MAPK8: variants seen among roughly 807,000 people sequenced by gnomAD.
MAPK8 encodes JUN N-terminal kinase.
Under a neutral mutation model 52.9 loss-of-function variants are expected in MAPK8, and 13 were observed. The ratio of observed to expected loss-of-function variants is 0.25; its 90% CI spans 0.16 to 0.39. The LOEUF (loss-of-function observed/expected upper bound fraction) is 0.39. MAPK8 is among the 10% of genes least tolerant of loss of function. The pLI is 1.00. For missense variants in MAPK8, 300 were observed against 519.2 expected (o/e 0.58, Z 4.10); for synonymous variants, 191 against 169.8 (o/e 1.12, Z -0.97).
At chr10:48,341,532 G>A (rs1845261259) in intron 1 of MAPK8, among the ~76,000 whole-genome samples, 1 of 152,158 alleles carries the variant, frequency 6.6e-6, no homozygotes, top group Non-Finnish European at 1.5e-5. Flanking sequence ...TTGGTTACAA[G>A]CATTTTGGAT....
At chr10:48,406,095 T>TG (rs770042467) in intron 3 of MAPK8, among the ~76,000 whole-genome samples, 9 of 152,156 alleles carry the variant, frequency 5.9e-5, no homozygotes, top group Non-Finnish European at 1.2e-4. Flanking sequence ...GGGAAGGCTT[T>TG]GGGGAGGAGT....
At chr10:48,357,389 G>A (rs1481637709) in intron 1 of MAPK8, among the ~76,000 whole-genome samples, 1 of 152,110 alleles carries the variant, frequency 6.6e-6, no homozygotes, top group Non-Finnish European at 1.5e-5. Context: ...ATACCAGAGA[G>A]TTCATCATTT....
At chr10:48,366,532 G>A (rs118179377) in intron 1 of MAPK8, among the ~76,000 whole-genome samples, 1,773 of 152,260 alleles carry the variant, frequency 0.012, 20 homozygotes, top group Non-Finnish European at 0.018. Flanking sequence ...CCTAAGTTAG[G>A]TTATAACTTG....
intron 1 of MAPK8, among the ~76,000 whole-genome samples, chr10:48,328,843 A>G (rs896524287): frequency 6.6e-6 from 1 of 152,208 alleles, no homozygotes; most frequent in Non-Finnish European, 1.5e-5. Flanking sequence ...GCCAGTTTGT[A>G]CTTTTGCTAA....
At chr10:48,421,301 A>C (rs1269195852) in intron 6 of MAPK8, among the ~76,000 whole-genome samples, 1 of 152,224 alleles carries the variant, frequency 6.6e-6, no homozygotes, top group East Asian at 1.9e-4. Flanking sequence ...TCTTAAGTAA[A>C]TATGCTGTTC....
intron 1 of MAPK8, among the ~76,000 whole-genome samples, chr10:48,367,294 A>G (rs971966906): frequency 6.6e-6 from 1 of 152,064 alleles, no homozygotes; most frequent in Non-Finnish European, 1.5e-5. Context: ...TAAGCCCAGG[A>G]GTTTGGGGCT....
chr10:48,430,998 G>A, intron 10 of MAPK8, 195 bp from the exon 11 acceptor site: 1 of 604,374 alleles, frequency 1.7e-6, no homozygotes, highest in South Asian at 2.0e-5. Flanking sequence ...CTTTTAATAT[G>A]ATCCATTGTT....
chr10:48,360,434 C>T (rs1047117543), intron 1 of MAPK8, among the ~76,000 whole-genome samples: 3 of 152,190 alleles, frequency 2.0e-5, no homozygotes, highest in Non-Finnish European at 2.9e-5. Context: ...CAGATTAACT[C>T]GTAGATACCC....
At chr10:48,325,754 A>G (rs192779327) in intron 1 of MAPK8, 65 of 152,348 alleles carry the variant, frequency 4.3e-4, no homozygotes, top group African/African-American at 1.4e-3. Flanking sequence ...CATCTGGAAT[A>G]CCACATTACA....
At chr10:48,316,868 A>G (rs987409055) in intron 1 of MAPK8, among the ~76,000 whole-genome samples, 6 of 152,196 alleles carry the variant, frequency 3.9e-5, no homozygotes, top group South Asian at 2.1e-4. Context: ...GGACGCATAC[A>G]TCGTTAAGTA....
intron 1 of MAPK8, among the ~76,000 whole-genome samples, chr10:48,337,782 A>G (rs1236255191): frequency 1.3e-5 from 2 of 152,172 alleles, no homozygotes; most frequent in South Asian, 2.1e-4. Context: ...AGTGGATACC[A>G]TAGAAATACA....
At chr10:48,346,227 A>G (rs1244577295) in intron 1 of MAPK8, among the ~76,000 whole-genome samples, 2 of 152,264 alleles carry the variant, frequency 1.3e-5, no homozygotes, top group African/African-American at 4.8e-5. Flanking sequence ...TATAGATCTT[A>G]GATATGATTA....
At chr10:48,377,215 A>T (rs1317463037) in intron 1 of MAPK8, among the ~76,000 whole-genome samples, 1 of 151,860 alleles carries the variant, frequency 6.6e-6, no homozygotes, top group Admixed American at 6.6e-5. Context: ...AGGGCCTGTC[A>T]GGGGTTTGGG....
At chr10:48,395,599 A>G (rs1294625895) in intron 1 of MAPK8, among the ~76,000 whole-genome samples, 1 of 152,068 alleles carries the variant, frequency 6.6e-6, no homozygotes, top group African/African-American at 2.4e-5. Context: ...CACAATTCCT[A>G]TCAAAATCTT....
At chr10:48,401,304 A>G (rs988557586) in intron 1 of MAPK8, among the ~76,000 whole-genome samples, 2 of 152,198 alleles carry the variant, frequency 1.3e-5, no homozygotes, top group East Asian at 1.9e-4. Flanking sequence ...ACGTAAAAAC[A>G]TGTTTAATTT....
At chr10:48,341,781 C>T (rs1845292730) in intron 1 of MAPK8, among the ~76,000 whole-genome samples, 1 of 152,096 alleles carries the variant, frequency 6.6e-6, no homozygotes, top group South Asian at 2.1e-4. Context: ...ATAAAGATAC[C>T]TGATTTAGGA....
intron 1 of MAPK8, among the ~76,000 whole-genome samples, chr10:48,382,515 C>T (rs896505238): frequency 1.3e-5 from 2 of 151,820 alleles, no homozygotes; most frequent in Non-Finnish European, 2.9e-5. Context: ...AAGTAAAACT[C>T]GCTATTTTAA....
At chr10:48,394,055 G>A (rs2132880939) in intron 1 of MAPK8, among the ~76,000 whole-genome samples, 1 of 151,900 alleles carries the variant, frequency 6.6e-6, no homozygotes, top group South Asian at 2.1e-4. Flanking sequence ...CAATTTCCTT[G>A]AAAAACACAA....
chr10:48,394,453 A>G (rs2041788947), intron 1 of MAPK8, among the ~76,000 whole-genome samples: 1 of 151,910 alleles, frequency 6.6e-6, no homozygotes, highest in Admixed American at 6.6e-5. Context: ...AAAATCAATC[A>G]GTGTAATTAG....
Sources: gnomAD v4.1 joint callset for allele counts (sites outside exome capture counted in the v4.1 genomes callset) on GRCh38, gnomAD v4.1.1 for gene constraint, MANE v1.5 for transcripts, NCBI Gene and HGNC (gene_info 2026-07-23, HGNC 2026-07-21) for gene names.